Variants in ANO3 observed in about 807,000 individuals in gnomAD.
ANO3 encodes the protein anoctamin-3.
Under a neutral mutation model 144.8 loss-of-function variants are expected in ANO3, and 99 were observed. That is an observed-to-expected ratio of 0.68 (90% confidence interval 0.58 to 0.81). ANO3 has a LOEUF of 0.81. Among genes scored for constraint, ANO3 ranks in the 30% least tolerant of loss-of-function variants. ANO3 has a pLI of 0.00. For synonymous variants in ANO3, 414 were observed against 392.6 expected, an observed-to-expected ratio of 1.05 and a Z score of -0.64; for missense variants, 905 against 1,202.2, an observed-to-expected ratio of 0.75 and a Z score of 3.66.
chr11:26,620,230 C>CA (rs1852376041), intron 17 of ANO3, among the ~76,000 whole-genome samples: 1 of 152,034 alleles, frequency 6.6e-6, no homozygotes, highest in Non-Finnish European at 1.5e-5. Flanking sequence ...AAAATTATTC[C>CA]AAAAATGTAT....
At chr11:26,277,295 A>G (rs979828980) in intron 1 of ANO3, among the ~76,000 whole-genome samples, 1 of 152,118 alleles carries the variant, frequency 6.6e-6, no homozygotes, top group Non-Finnish European at 1.5e-5. Context: ...TATAAATAGA[A>G]GAGAAAACAA....
chr11:26,594,202 A>G (rs1174496434), intron 14 of ANO3, among the ~76,000 whole-genome samples: 2 of 152,068 alleles, frequency 1.3e-5, no homozygotes, highest in Non-Finnish European at 2.9e-5. Context: ...AAGTTAGCAA[A>G]TGTCTGCGGC....
chr11:26,200,424 T>C (rs1851670644), intron 1 of ANO3, among the ~76,000 whole-genome samples: 1 of 152,186 alleles, frequency 6.6e-6, no homozygotes, highest in African/African-American at 2.4e-5. Flanking sequence ...TATTATAATC[T>C]TTATCATATG....
intron 21 of ANO3, among the ~76,000 whole-genome samples, chr11:26,639,688 C>A (rs1006697018): frequency 6.6e-6 from 1 of 152,148 alleles, no homozygotes. Flanking sequence ...AAGCTTTGTT[C>A]TCTTTGTTAC....
At chr11:26,411,668 C>T (rs1442604017) in intron 1 of ANO3, among the ~76,000 whole-genome samples, 2 of 151,932 alleles carry the variant, frequency 1.3e-5, no homozygotes, top group Non-Finnish European at 2.9e-5. Flanking sequence ...CTGCGATACT[C>T]ACCACACTTT....
At chr11:26,504,415 A>T (rs1861330042) in intron 4 of ANO3, among the ~76,000 whole-genome samples, 1 of 152,194 alleles carries the variant, frequency 6.6e-6, no homozygotes, top group East Asian at 1.9e-4. Flanking sequence ...CTGGCTGTGG[A>T]CTAGATGTTT....
intron 1 of ANO3, among the ~76,000 whole-genome samples, chr11:26,212,674 G>T (rs1315599337): frequency 6.6e-6 from 1 of 151,970 alleles, no homozygotes; most frequent in African/African-American, 2.4e-5. Context: ...CCCAGGACCA[G>T]ACAGATTGAC....
chr11:26,445,131 G>A (rs147640878), intron 3 of ANO3, among the ~76,000 whole-genome samples: 11 of 152,238 alleles, frequency 7.2e-5, no homozygotes, highest in Admixed American at 7.2e-4. Context: ...TCTGAAATCT[G>A]AAGTGCTCCA....
intron 1 of ANO3, among the ~76,000 whole-genome samples, chr11:26,323,290 C>T (rs1279498129): frequency 1.3e-5 from 2 of 152,064 alleles, no homozygotes; most frequent in African/African-American, 4.8e-5. Context: ...ATTTTAGCTT[C>T]TCTTGAGTAC....
Position 26,599,689 on chromosome 11 carries a change from T to A in ANO3, c.1811T>A (p.Phe604Tyr). ...ATSAAAVCINFIIIMLLNLAY... is the reference protein window; with the variant it reads ...ATSAAAVCINYIIIMLLNLAY... ...TCTGCTGCTGCTGTCTGTATCAATTTCATAATCATTATGTTGCTGAATCTT... is the reference window on the plus strand; with the variant it reads ...TCTGCTGCTGCTGTCTGTATCAATTACATAATCATTATGTTGCTGAATCTT... The change falls in exon 17 of 27, where the codon TTC becomes TAC. Residue 604 changes from phenylalanine (F) to tyrosine (Y), a missense_variant. Around this residue, in one of 4 missense-constraint regions of ANO3, gnomAD observed 597 missense variants for 865.1 expected, o/e 0.69. Coordinates refer to ENST00000256737, the MANE Select transcript of ANO3 (RefSeq NM_031418.4). The A allele has an allele frequency of 6.2e-7, 1 of 1,614,100 alleles. No individual in the cohort carries two copies. The highest frequency in any genetic ancestry group is 2.2e-5 in the East Asian group (1 of 44,868).
rs904053013 is a variant in ANO3, at chr11:26,384,664, T to C, written c.46+52343T>C. On this transcript the variant is annotated intron_variant, in intron 1 of 26. Transcript: ENST00000256737. ...TGCCACATCTTTCCAGTTTTCCCCA[T>C]TGTTCCTGTAATATAATGATATTGT... is the stretch of plus-strand genomic sequence containing the variant. Among the ~76,000 whole-genome samples the C allele has an allele frequency of 2.6e-5, 4 of 152,174 alleles. No homozygotes were observed. The East Asian group carries it at 7.7e-4, about 29-fold the overall frequency.
intron 1 of ANO3, among the ~76,000 whole-genome samples, chr11:26,219,918 G>A (rs1215004563): frequency 6.6e-6 from 1 of 152,150 alleles, no homozygotes; most frequent in Non-Finnish European, 1.5e-5. Flanking sequence ...CACCCTGAGT[G>A]CCACTTGGCA....
At chr11:26,490,426 G>A (rs1271377486) in intron 4 of ANO3, among the ~76,000 whole-genome samples, 1 of 152,154 alleles carries the variant, frequency 6.6e-6, no homozygotes, top group Non-Finnish European at 1.5e-5. Context: ...AGATACCAAA[G>A]TAGACTGCCA....
chr11:26,391,293 T>C (rs933343610), intron 1 of ANO3, among the ~76,000 whole-genome samples: 2 of 152,070 alleles, frequency 1.3e-5, no homozygotes, highest in Non-Finnish European at 2.9e-5. Context: ...ACTCTCATGA[T>C]GATTAACCTG....
intron 1 of ANO3, among the ~76,000 whole-genome samples, chr11:26,201,833 C>T (rs1851699467): frequency 6.7e-6 from 1 of 148,712 alleles, no homozygotes; most frequent in African/African-American, 2.5e-5. Context: ...AGTTTTTCAT[C>T]TGTAGAAGAG....
intron 1 of ANO3, among the ~76,000 whole-genome samples, chr11:26,358,490 C>A (rs1855844748): frequency 6.6e-6 from 1 of 152,058 alleles, no homozygotes; most frequent in Admixed American, 6.5e-5. Context: ...CTCTTAAAAT[C>A]CTGTTGGGAT....
At chr11:26,465,623 A>G (rs1189676764) in intron 4 of ANO3, among the ~76,000 whole-genome samples, 1 of 151,884 alleles carries the variant, frequency 6.6e-6, no homozygotes, top group Non-Finnish European at 1.5e-5. Flanking sequence ...AAACACTAAA[A>G]TAATAGGAAA....
intron 5 of ANO3, among the ~76,000 whole-genome samples, chr11:26,513,262 G>T (rs932187383): frequency 5.3e-5 from 8 of 152,162 alleles, no homozygotes; most frequent in African/African-American, 1.9e-4. Context: ...GAGGTTCTAA[G>T]AAATGGCATG....
At chr11:26,320,221 A>C (rs1008435089) in intron 1 of ANO3, among the ~76,000 whole-genome samples, 3 of 152,218 alleles carry the variant, frequency 2.0e-5, no homozygotes, top group African/African-American at 7.2e-5. Context: ...TTCCTCTCTC[A>C]TGTTGTTAGT....
Sources: allele counts gnomAD v4.1 joint callset (sites outside exome capture counted in the v4.1 genomes callset), GRCh38; gene constraint gnomAD v4.1.1; regional missense constraint gnomAD v4.1.1; transcripts MANE v1.5; gene names NCBI Gene and HGNC (gene_info 2026-07-23, HGNC 2026-07-21).